The following ZNF423 variants were observed in gnomAD, a reference collection of about 807,000 sequenced individuals.
The protein encoded by ZNF423 is zinc finger protein 423.
In ZNF423, 12 loss-of-function variants were observed where a neutral mutation model predicts 95.8. That is an observed-to-expected ratio of 0.13 (90% confidence interval 0.08 to 0.20). The LOEUF (loss-of-function observed/expected upper bound fraction) is 0.20. ZNF423 is among the 10% of genes least tolerant of loss of function. The pLI is 1.00. For missense variants in ZNF423, 1,316 were observed against 1,737.1 expected (o/e 0.76, Z 4.31); for synonymous variants, 749 against 711.9 (o/e 1.05, Z -0.83).
intron 7 of ZNF423, among the ~76,000 whole-genome samples, chr16:49,513,914 C>T (rs1968012362): frequency 6.6e-6 from 1 of 151,844 alleles, no homozygotes; most frequent in Admixed American, 6.6e-5. Flanking sequence ...GGCAGGTGTA[C>T]GTGCATCTAG....
chr16:49,834,572 G>A (rs986056179), intron 1 of ZNF423, among the ~76,000 whole-genome samples: 5 of 152,140 alleles, frequency 3.3e-5, no homozygotes, highest in African/African-American at 1.2e-4. Context: ...AGGAGGCGGT[G>A]GTAGGAGGGA....
intron 2 of ZNF423, among the ~76,000 whole-genome samples, chr16:49,745,927 C>T (rs559621362): frequency 6.6e-6 from 1 of 152,286 alleles, no homozygotes; most frequent in South Asian, 2.1e-4. Flanking sequence ...CCCCTCACCC[C>T]ACAGAAGGTC....
intron 1 of ZNF423, chr16:49,853,965 C>T: frequency 3.0e-6 from 3 of 985,446 alleles, no homozygotes; most frequent in Non-Finnish European, 3.6e-6. Flanking sequence ...TCCACATTTT[C>T]TTCTGGGTCG....
chr16:49,582,294 A>G (rs753985870), intron 5 of ZNF423, among the ~76,000 whole-genome samples: 36 of 152,296 alleles, frequency 2.4e-4, no homozygotes, highest in Middle Eastern at 3.4e-3. Context: ...ACATTGATCA[A>G]ACTTACAAAC....
chr16:49,677,312 G>GAAGAGAAGAGAAGAGAA (rs1567284159), intron 3 of ZNF423, among the ~76,000 whole-genome samples: 1 of 19,648 alleles, frequency 5.1e-5, no homozygotes, highest in Admixed American at 5.6e-4. Flanking sequence ...AGAAGAGAAA[G>GAAGAGAAGAGAAGAGAA]GAGGGGAAGG....
intron 1 of ZNF423, among the ~76,000 whole-genome samples, chr16:49,830,922 G>A (rs960902928): frequency 6.6e-6 from 1 of 152,112 alleles, no homozygotes; most frequent in East Asian, 1.9e-4. Flanking sequence ...CATCCCAGGT[G>A]ATACAATCCT....
intron 5 of ZNF423, among the ~76,000 whole-genome samples, chr16:49,555,508 G>A (rs1243498577): frequency 1.3e-5 from 2 of 152,258 alleles, no homozygotes; most frequent in East Asian, 3.8e-4. Flanking sequence ...CACGGGTTAA[G>A]TAGCTTTCCT....
At chr16:49,737,446 T>G (rs1292469594) in intron 2 of ZNF423, among the ~76,000 whole-genome samples, 2 of 152,206 alleles carry the variant, frequency 1.3e-5, no homozygotes, top group Non-Finnish European at 2.9e-5. Context: ...ATTTTCATAT[T>G]TTTAGCAGAG....
chr16:49,689,039 A>C (rs1201106897), intron 3 of ZNF423, among the ~76,000 whole-genome samples: 2 of 152,180 alleles, frequency 1.3e-5, no homozygotes, highest in African/African-American at 4.8e-5. Context: ...GCACAGCCAC[A>C]CAGGTGAGGA....
chr16:49,581,137 G>A (rs913356459), intron 5 of ZNF423, among the ~76,000 whole-genome samples: 4 of 150,986 alleles, frequency 2.6e-5, no homozygotes, highest in South Asian at 2.1e-4. Context: ...GAAGAGAGGC[G>A]GTATGTTCCT....
chr16:49,754,652 CCG>C (rs1333275144), intron 2 of ZNF423, among the ~76,000 whole-genome samples: 1 of 152,210 alleles, frequency 6.6e-6, no homozygotes. Context: ...GTCTCAGCAG[CCG>C]TAACACATGT....
At chr16:49,768,941 C>A (rs1227100871) in intron 2 of ZNF423, among the ~76,000 whole-genome samples, 1 of 152,222 alleles carries the variant, frequency 6.6e-6, no homozygotes, top group Non-Finnish European at 1.5e-5. Flanking sequence ...CTTCTCCTAG[C>A]ACCCTGCATC....
chr16:49,504,911 C>T (rs1967570687), intron 7 of ZNF423, among the ~76,000 whole-genome samples: 1 of 152,184 alleles, frequency 6.6e-6, no homozygotes, highest in African/African-American at 2.4e-5. Context: ...AAAGGCCTCA[C>T]CTGCAGTCAT....
At chr16:49,557,505 C>G (rs1489664339) in intron 5 of ZNF423, among the ~76,000 whole-genome samples, 1 of 152,094 alleles carries the variant, frequency 6.6e-6, no homozygotes, top group South Asian at 2.1e-4. Flanking sequence ...GTGTTCTGAC[C>G]CTCTGACCCC....
chr16:49,550,344 T>C (rs1969591008), intron 5 of ZNF423, among the ~76,000 whole-genome samples: 1 of 152,238 alleles, frequency 6.6e-6, no homozygotes, highest in Admixed American at 6.5e-5. Flanking sequence ...TTCCATTCTG[T>C]GTTCTGCTCC....
At chr16:49,738,088 C>T (rs986911207) in intron 2 of ZNF423, among the ~76,000 whole-genome samples, 7 of 152,152 alleles carry the variant, frequency 4.6e-5, no homozygotes, top group Non-Finnish European at 7.3e-5. Context: ...AACAATCACA[C>T]GCACTCACCC....
At chr16:49,706,447 C>G (rs1256262431) in intron 3 of ZNF423, among the ~76,000 whole-genome samples, 1 of 152,250 alleles carries the variant, frequency 6.6e-6, no homozygotes, top group East Asian at 1.9e-4. Context: ...CAGTCCTGTG[C>G]TCTAAAGGGG....
At chr16:49,597,420 A>G (rs1971217514) in intron 5 of ZNF423, among the ~76,000 whole-genome samples, 1 of 152,240 alleles carries the variant, frequency 6.6e-6, no homozygotes, top group Non-Finnish European at 1.5e-5. Context: ...GAATGTTAAA[A>G]AAGTCTCATT....
intron 3 of ZNF423, among the ~76,000 whole-genome samples, chr16:49,663,508 A>G (rs1005517594): frequency 9.2e-5 from 14 of 151,452 alleles, no homozygotes; most frequent in Admixed American, 5.3e-4. Context: ...TGGAGAGGGG[A>G]CCAGTGCCCG....
Sources: allele counts gnomAD v4.1 joint callset (sites outside exome capture counted in the v4.1 genomes callset), GRCh38; gene constraint gnomAD v4.1.1; transcripts MANE v1.5; gene names NCBI Gene and HGNC (gene_info 2026-07-23, HGNC 2026-07-21).